The following LRRC14B variants were observed in gnomAD, a reference collection of about 807,000 sequenced individuals.
LRRC14B encodes the protein leucine-rich repeat-containing protein 14B.
In LRRC14B, 23 loss-of-function variants were observed where a neutral mutation model predicts 16.9. That is an observed-to-expected ratio of 1.36 (90% CI 0.98 to 1.92). The LOEUF is 1.92. LRRC14B is among the 30% of genes most tolerant of loss of function. The probability of loss-of-function intolerance (pLI) is 0.00; values close to 1 mark genes in which losing one functional copy is unlikely to be tolerated. For missense variants in LRRC14B, 766 were observed against 705.7 expected (o/e 1.09, Z -0.97); for synonymous variants, 358 against 332.5 (o/e 1.08, Z -0.83).
chr5:195,434 G>A lies in LRRC14B; in HGVS notation c.*81G>A, dbSNP rs1733899803. ...CTTTAGTCCTGGATCTGAGGCTTGG[G>A]CCCGGCATTCATCCCCACCACCACC... On this transcript the variant is annotated 3_prime_UTR_variant, in exon 2 of 2. Coordinates refer to ENST00000328278, the MANE Select transcript of LRRC14B (RefSeq NM_001080478.3). 7.6e-7 allele frequency: 1 copy of A among 1,320,140 alleles called. No individual in the cohort carries two copies. The allele number at this position is 1,320,140 out of a possible 1,614,324, so 81.8% of individuals were successfully genotyped here.
At position 195,216 on chromosome 5, in the gene LRRC14B, A is replaced by G; in HGVS notation, c.1408A>G (p.Ile470Val). 5 of 1,613,748 alleles carry G rather than the reference A, an allele frequency of 3.1e-6. No homozygotes were observed. Among genetic ancestry groups the G allele is most frequent in the Non-Finnish European group, 4.2e-6 (5 of 1,179,888 alleles). The change falls in exon 2 of 2, where the codon ATC (isoleucine) becomes GTC (valine). Residue 470 changes from isoleucine to valine, a missense_variant. Ile to Val is a conservative substitution (Grantham distance 29, BLOSUM62 3). Coordinates refer to ENST00000328278, the MANE Select transcript of LRRC14B (RefSeq NM_001080478.3). The stretch of plus-strand genomic sequence containing the variant: ...GCTGCTGCGGGCTGACCGAGAGGAC[A>G]TCCAAGTCTCCACACCTCTCTTTGG... ...AVLLRADRED[I>V]QVSTPLFGSF...
chr5:194,769 A>G lies in LRRC14B; in HGVS notation c.961A>G (p.Met321Val), dbSNP rs757925370. The change falls in exon 2 of 2, where the codon ATG becomes GTG. Residue 321 changes from methionine to valine, a missense_variant. Coordinates refer to ENST00000328278, the MANE Select transcript of LRRC14B (RefSeq NM_001080478.3). ...LANCALNHTD[M>V]AFLADCAHAA... ...CAACTGTGCCCTGAACCACACGGAC[A>G]TGGCCTTCTTGGCAGACTGTGCCCA... The G allele has an allele frequency of 1.2e-5, 20 of 1,613,508 alleles. No homozygotes were observed. The highest frequency in any genetic ancestry group is 1.5e-5 in the Non-Finnish European group (18 of 1,179,752).
rs749632633 is a variant in LRRC14B, at chr5:195,757, G to C, written c.*404G>C. The C allele has an allele frequency of 3.1e-4, 68 of 216,100 alleles. 1 individual carries two copies. Among genetic ancestry groups the C allele is most frequent in the Non-Finnish European group, 5.4e-4 (58 of 107,970 alleles). The allele number at this position is 216,100 out of a possible 1,614,324, so 13.4% of individuals were successfully genotyped here. A position where few individuals can be genotyped will look rare whatever the true frequency, so the allele number is the denominator to read the frequency against. ...TGTGACTGGGCTCCACAGCAGGGAG[G>C]GGGAGGGGAAGAGAGAACACATCAC... On this transcript the variant is annotated 3_prime_UTR_variant, in exon 2 of 2. Coordinates refer to ENST00000328278, the MANE Select transcript of LRRC14B (RefSeq NM_001080478.3).
rs1240904300 is a variant in LRRC14B at position 195,212 on chromosome 5, G to A, written c.1404G>A (p.Glu468=). The change falls in exon 2 of 2, where the codon GAG becomes GAA. Residue 468 remains glutamate (E), a synonymous_variant. Transcript: ENST00000328278. ...CCGTGCTGCTGCGGGCTGACCGAGAGGACATCCAAGTCTCCACACCTCTCT... is the reference window on the plus strand; with the variant it reads ...CCGTGCTGCTGCGGGCTGACCGAGAAGACATCCAAGTCTCCACACCTCTCT... ...LRAVLLRADR[E]DIQVSTPLFG... is the part of the protein sequence containing the mutation. 2.5e-6 allele frequency: 4 copies of A among 1,613,760 alleles called. No individual in the cohort carries two copies. The highest frequency in any genetic ancestry group is 3.3e-5 in the Admixed American group (2 of 60,028).
Position 192,138 on chromosome 5 carries a change from G to A in LRRC14B, c.600G>A (p.Gln200=), listed in dbSNP as rs765261842. The A allele has an allele frequency of 1.3e-6, 2 of 1,587,140 alleles. No homozygotes were observed. The highest frequency in any genetic ancestry group is 1.7e-6 in the Non-Finnish European group (2 of 1,168,372). The stretch of plus-strand genomic sequence containing the variant: ...GGGCGGACAGCCTGAGCCCCAGCCA[G>A]CTCCTGCACGTGCTGCGTCTGGCTG... The part of the protein sequence containing the change: ...SFRADSLSPS[Q]LLHVLRLAGP... Residue 200 remains glutamine, a synonymous_variant, in exon 1 of 2, where the codon CAG becomes CAA. Coordinates refer to ENST00000328278, the MANE Select transcript of LRRC14B (RefSeq NM_001080478.3).
At chr5:192,522 C>A (rs1159450055) in intron 1 of LRRC14B, 85 bp downstream of exon 1, 2 of 1,326,444 alleles carry the variant, frequency 1.5e-6, no homozygotes, top group African/African-American at 1.5e-5. Context: ...ATGTCCAAGG[C>A]CATGAGGCTA....
rs372474616 is a variant in LRRC14B, at chr5:192,198, C to A, written c.660C>A (p.His220Gln). ...PGALRKLEVV[H>Q]NVRLHAGHVQ... ...CCCTGCGCAAGCTGGAGGTGGTGCA[C>A]AACGTGCGGCTGCATGCGGGCCACG... The change falls in exon 1 of 2, where the codon CAC (histidine) becomes CAA (glutamine). Residue 220 changes from histidine (H) to glutamine (Q), a missense_variant. Coordinates refer to ENST00000328278, the MANE Select transcript of LRRC14B (RefSeq NM_001080478.3). 10 of 1,600,768 alleles carry A rather than the reference C, an allele frequency of 6.2e-6. No individual in the cohort carries two copies. Among genetic ancestry groups the A allele is most frequent in the South Asian group, 1.1e-5 (1 of 88,868 alleles).
chr5:194,916 T>C lies in LRRC14B; in HGVS notation c.1108T>C (p.Cys370Arg). The C allele has an allele frequency of 6.2e-7, 1 of 1,609,458 alleles. No homozygotes were observed. Among genetic ancestry groups the C allele is most frequent in the Non-Finnish European group, 8.5e-7 (1 of 1,177,900 alleles). ...GCTGAGGATCCTGACACTGGAGGAG[T>C]GTGGCATCGTAGACAGCCACGTTGG... is the stretch of plus-strand genomic sequence containing the variant. ...RTLRILTLEECGIVDSHVGML... is the reference protein window; with the variant it reads ...RTLRILTLEERGIVDSHVGML... The change falls in exon 2 of 2, where the codon TGT (cysteine) becomes CGT (arginine). Residue 370 changes from cysteine (C) to arginine (R), a missense_variant. Cys to Arg is a radical substitution (Grantham distance 180). Transcript: ENST00000328278.
At chr5:193,394 G>C (rs115750109) in intron 1 of LRRC14B, among the ~76,000 whole-genome samples, 11,061 of 143,154 alleles carry the variant, frequency 0.077, 669 homozygotes, top group Non-Finnish European at 0.11. Context: ...TGGGTCCTCA[G>C]GTGCTGGGGG....
rs766620493 is a variant in LRRC14B, at chr5:191,514, G to T, written c.-25G>T. 2 of 1,580,262 alleles carry T rather than the reference G, an allele frequency of 1.3e-6. No individual in the cohort carries two copies. The highest frequency in any genetic ancestry group is 1.4e-5 in the African/African-American group (1 of 74,040). On this transcript the variant is annotated 5_prime_UTR_variant, in exon 1 of 2. Transcript: ENST00000328278. ...AAGGGCACACGCCTTGGGGAAAGTCGTGGGGAGCGGTCCTGTCTCGGGCCA... is the reference window on the plus strand; with the variant it reads ...AAGGGCACACGCCTTGGGGAAAGTCTTGGGGAGCGGTCCTGTCTCGGGCCA...
intron 1 of LRRC14B, among the ~76,000 whole-genome samples, chr5:194,507 T>G (rs1733873580): frequency 6.6e-6 from 1 of 152,204 alleles, no homozygotes; most frequent in South Asian, 2.1e-4. Context: ...TTGAATATCA[T>G]GTAACTTTTC....
Position 195,322 on chromosome 5 carries a change from A to C in LRRC14B, c.1514A>C (p.Asn505Thr). ...LLQAFKTALE[N>T]FSRALKQIE ...CAAGCTTTCAAAACTGCTCTAGAAA[A>C]CTTCTCCAGAGCACTCAAACAAATA... The change falls in exon 2 of 2, where the codon AAC becomes ACC. Residue 505 changes from asparagine to threonine, a missense_variant. Asn to Thr is a moderately conservative substitution (Grantham distance 65, BLOSUM62 0). Coordinates refer to ENST00000328278, the MANE Select transcript of LRRC14B (RefSeq NM_001080478.3). 3 of 1,605,426 alleles carry C rather than the reference A, an allele frequency of 1.9e-6. No individual in the cohort carries two copies. Among genetic ancestry groups the C allele is most frequent in the Non-Finnish European group, 2.5e-6 (3 of 1,179,760 alleles).
rs1263649877 is a variant in LRRC14B, at chr5:195,971, T to C, written c.*618T>C. ...GGAACGCGGGGCTTCTGGTTGCTGT[T>C]AGTGGTGGCTTTTCTTCTCACTTTG... On this transcript the variant is annotated 3_prime_UTR_variant, in exon 2 of 2. Coordinates refer to ENST00000328278, the MANE Select transcript of LRRC14B (RefSeq NM_001080478.3). 1.3e-5 allele frequency: 2 copies of C among 154,532 alleles called. No homozygotes were observed. The highest frequency in any genetic ancestry group is 1.3e-4 in the Admixed American group (2 of 15,698). 9.6% of individuals were successfully genotyped at this position (154,532 alleles called of 1,614,324 possible).
At chr5:194,627 G>A in intron 1 of LRRC14B, 81 bp from the exon 2 acceptor site, 1 of 1,361,846 alleles carries the variant, frequency 7.3e-7, no homozygotes, top group Non-Finnish European at 9.9e-7. Context: ...ATGGACAAAT[G>A]GGTTGTTCCC....
In LRRC14B at chr5:191,998, C is replaced by G; in HGVS notation, c.460C>G (p.Arg154Gly). 1 of 1,533,488 alleles carries G rather than the reference C, an allele frequency of 6.5e-7. No homozygotes were observed. The highest frequency in any genetic ancestry group is 8.7e-7 in the Non-Finnish European group (1 of 1,145,626). The allele number at this position is 1,533,488 out of a possible 1,614,324, so 95.0% of individuals were successfully genotyped here. The change falls in exon 1 of 2, where the codon CGC (arginine) becomes GGC (glycine). Residue 154 changes from arginine to glycine, a missense_variant. Coordinates refer to ENST00000328278, the MANE Select transcript of LRRC14B (RefSeq NM_001080478.3). ...ELQAEPLAAG[R>G]PVEVLADLFV... is the part of the protein sequence containing the mutation. ...GCAGGCAGAGCCCCTCGCAGCCGGGCGCCCCGTCGAGGTCCTCGCCGACCT... is the reference window on the plus strand; with the variant it reads ...GCAGGCAGAGCCCCTCGCAGCCGGGGGCCCCGTCGAGGTCCTCGCCGACCT...
At chr5:193,952 A>G (rs1275774372) in intron 1 of LRRC14B, among the ~76,000 whole-genome samples, 1 of 152,072 alleles carries the variant, frequency 6.6e-6, no homozygotes, top group Non-Finnish European at 1.5e-5. Flanking sequence ...GCTCAGAACC[A>G]GAGTAGGTCT....
At position 195,007 on chromosome 5, in the gene LRRC14B, T is replaced by C. The variant is rs1305091086; in HGVS notation, c.1199T>C (p.Leu400Pro). The C allele has an allele frequency of 6.2e-7, 1 of 1,613,326 alleles. No individual in the cohort carries two copies. The highest frequency in any genetic ancestry group is 8.5e-7 in the Non-Finnish European group (1 of 1,179,840). Reference sequence around the variant, plus strand: ...CAGCTCAAGTTCCTCGGGAACCCGCTGTCGGCCCGCGCCCTCCGGCGCCTC... The same window carrying C: ...CAGCTCAAGTTCCTCGGGAACCCGCCGTCGGCCCGCGCCCTCCGGCGCCTC... ...LRQLKFLGNP[L>P]SARALRRLFT... The change falls in exon 2 of 2, where the codon CTG (leucine) becomes CCG (proline). Residue 400 changes from leucine to proline, a missense_variant. Leu to Pro is a moderately conservative substitution (Grantham distance 98). Transcript: ENST00000328278.
Position 192,416 on chromosome 5 carries a change from G to T in LRRC14B, c.878G>T (p.Gly293Val). 6.5e-7 allele frequency: 1 copy of T among 1,547,330 alleles called. No homozygotes were observed. Among genetic ancestry groups the T allele is most frequent in the South Asian group, 1.2e-5 (1 of 80,834 alleles). ...ELSVAFSTLT[G>V]KIPTLLGPLQ... ...AGTGTGGCCTTCTCCACGCTGACCG[G>T]GAAGATCCCGACGCTGCTTGGGTGA... The change falls in exon 1 of 2, where the codon GGG becomes GTG. Residue 293 changes from glycine (G) to valine (V), a missense_variant. Physicochemically the swap from Gly to Val is moderately radical, Grantham distance 109. Coordinates refer to ENST00000328278, the MANE Select transcript of LRRC14B (RefSeq NM_001080478.3).
Position 192,194 on chromosome 5 carries a change from T to G in LRRC14B, c.656T>G (p.Val219Gly). ...GPGALRKLEVVHNVRLHAGHV... is the reference protein window; with the variant it reads ...GPGALRKLEVGHNVRLHAGHV... Reference sequence around the variant, plus strand: ...GGTGCCCTGCGCAAGCTGGAGGTGGTGCACAACGTGCGGCTGCATGCGGGC... The same window carrying G: ...GGTGCCCTGCGCAAGCTGGAGGTGGGGCACAACGTGCGGCTGCATGCGGGC... Residue 219 changes from valine to glycine, a missense_variant, in exon 1 of 2, where the codon GTG becomes GGG. Transcript: ENST00000328278. 6.2e-7 allele frequency: 1 copy of G among 1,600,926 alleles called. No homozygotes were observed. The highest frequency in any genetic ancestry group is 8.5e-7 in the Non-Finnish European group (1 of 1,174,852).
Sources: allele counts gnomAD v4.1 joint callset (sites outside exome capture counted in the v4.1 genomes callset), GRCh38; gene constraint gnomAD v4.1.1; transcripts MANE v1.5; gene names NCBI Gene and HGNC (gene_info 2026-07-23, HGNC 2026-07-21).